The following KYNU variants were observed in gnomAD, a reference collection of about 807,000 sequenced individuals.
KYNU encodes L-kynurenine hydrolase.
KYNU carries 54 observed loss-of-function variants against 59.2 expected under a neutral mutation model. The ratio of observed to expected loss-of-function variants is 0.91; its 90% CI spans 0.73 to 1.14. The LOEUF (loss-of-function observed/expected upper bound fraction) is 1.14. Among genes scored for constraint, KYNU ranks in the 50% most tolerant of loss-of-function variants. The pLI is 0.00. For missense variants in KYNU, 567 were observed against 554.4 expected (o/e 1.02, Z -0.23); for synonymous variants, 177 against 192.0 (o/e 0.92, Z 0.65).
chr2:142,953,631 C>T (rs772669744), intron 4 of KYNU, among the ~76,000 whole-genome samples: 5 of 152,106 alleles, frequency 3.3e-5, no homozygotes, highest in Middle Eastern at 3.2e-3. Context: ...TAGGAATATA[C>T]AGTGAGATTT....
intron 8 of KYNU, among the ~76,000 whole-genome samples, chr2:142,967,011 TG>T (rs1684565550): frequency 6.6e-6 from 1 of 151,942 alleles, no homozygotes; most frequent in South Asian, 2.1e-4. Context: ...CTAAGCAGTT[TG>T]GCCAGGACTC....
At chr2:142,884,394 A>G (rs997079113) in intron 1 of KYNU, among the ~76,000 whole-genome samples, 5 of 152,226 alleles carry the variant, frequency 3.3e-5, no homozygotes, top group East Asian at 1.9e-4. Context: ...CCATGATCCA[A>G]GAACCACTGG....
intron 2 of KYNU, among the ~76,000 whole-genome samples, chr2:142,911,750 C>A (rs1207009828): frequency 6.6e-6 from 1 of 152,086 alleles, no homozygotes; most frequent in Non-Finnish European, 1.5e-5. Flanking sequence ...GGGTTTTTAT[C>A]ATGAAGGGAT....
At chr2:142,909,948 A>C (rs899458718) in intron 2 of KYNU, among the ~76,000 whole-genome samples, 1 of 152,016 alleles carries the variant, frequency 6.6e-6, no homozygotes, top group African/African-American at 2.4e-5. Flanking sequence ...TTTCTTTGCA[A>C]CCTTGTCACC....
chr2:142,950,279 AT>A (rs1683943781), intron 4 of KYNU, among the ~76,000 whole-genome samples: 1 of 152,150 alleles, frequency 6.6e-6, no homozygotes, highest in African/African-American at 2.4e-5. Flanking sequence ...TTGCTTCCAC[AT>A]TTTTGGATAT....
chr2:142,961,622 G>C (rs138322333), intron 8 of KYNU, among the ~76,000 whole-genome samples: 1 of 151,998 alleles, frequency 6.6e-6, no homozygotes, highest in Non-Finnish European at 1.5e-5. Flanking sequence ...TAAGACTCTT[G>C]AAAATTTTTT....
chr2:143,040,073 G>A (rs1017747639), intron 12 of KYNU, among the ~76,000 whole-genome samples: 1 of 152,022 alleles, frequency 6.6e-6, no homozygotes. Flanking sequence ...GACTTTTTTA[G>A]TTTTTAATAT....
In KYNU at chr2:142,884,253, G is replaced by T. The variant is rs1057429921; in HGVS notation, c.-19-1096G>T. Among the ~76,000 whole-genome samples, 4 of 152,334 alleles carry T rather than the reference G, an allele frequency of 2.6e-5. No homozygotes were observed. In the East Asian group the frequency reaches 5.8e-4, roughly 22 times the overall value. On this transcript the variant is annotated intron_variant, in intron 1 of 13. Coordinates refer to ENST00000264170, the MANE Select transcript of KYNU (RefSeq NM_003937.3). Reference sequence around the variant, plus strand: ...AATTTATAATTACTAACAGCAGCAGGTGGATGAATCTCTTTGGTATTCATA... The same window carrying T: ...AATTTATAATTACTAACAGCAGCAGTTGGATGAATCTCTTTGGTATTCATA...
chr2:142,915,113 T>G (rs1383597471), intron 2 of KYNU, among the ~76,000 whole-genome samples: 1 of 152,220 alleles, frequency 6.6e-6, no homozygotes, highest in Non-Finnish European at 1.5e-5. Context: ...GTCTGCTTGT[T>G]GAGTTGTGGT....
chr2:143,010,972 T>G, intron 10 of KYNU, among the ~76,000 whole-genome samples: 1 of 146,060 alleles, frequency 6.8e-6, no homozygotes, highest in African/African-American at 2.6e-5. Context: ...GAAGAAAACC[T>G]AGGCATGGCC....
rs192698274 is a variant in KYNU at position 142,945,796 on chromosome 2, G to A, written c.374-9014G>A. On this transcript the variant is annotated intron_variant, in intron 4 of 13. Transcript: ENST00000264170. ...TCTATCGCTCAGGCTGGAGTGCCGT[G>A]GCACAATCTCGGCTCACTGCAACCT... 4.8e-3 allele frequency among the ~76,000 whole-genome samples: 712 copies of A among 149,872 alleles called. 10 individuals carry two copies. The highest frequency in any genetic ancestry group is 0.017 in the African/African-American group (680 of 40,474).
chr2:142,956,423 A>G (rs1344040255), intron 6 of KYNU, 149 bp downstream of exon 6: 1 of 595,748 alleles, frequency 1.7e-6, no homozygotes, highest in Non-Finnish European at 3.0e-6. Context: ...AAATTTTTTA[A>G]TAGATTATAG....
intron 10 of KYNU, among the ~76,000 whole-genome samples, chr2:143,006,657 TCTGA>T (rs1176509206): frequency 1.5e-4 from 22 of 150,406 alleles, no homozygotes; most frequent in Admixed American, 6.0e-4. Flanking sequence ...AATGTCCCTG[TCTGA>T]CAGCTTTGAA....
chr2:142,880,669 C>A (rs1573741246), intron 1 of KYNU, among the ~76,000 whole-genome samples: 2 of 152,224 alleles, frequency 1.3e-5, no homozygotes, highest in African/African-American at 2.4e-5. Flanking sequence ...ATGTACTCAG[C>A]TAAACATCAT....
At chr2:142,877,821 CT>C (rs1681148063) in intron 1 of KYNU, 85 bp downstream of exon 1, 2 of 152,140 alleles carry the variant, frequency 1.3e-5, no homozygotes, top group East Asian at 1.9e-4. Context: ...AGCTAGAATC[CT>C]TGTCATAGTG....
In KYNU at chr2:143,054,689, G is replaced by A. The variant is rs866573994; in HGVS notation, c.*12517G>A. On this transcript the variant is annotated 3_prime_UTR_variant, in exon 14 of 14. Transcript: ENST00000264170. ...AAAGCTACCTTCCAGTTTATAAAAA[G>A]TATGAAGAATAGAGGGGCAATTAAA... 1 of 152,160 alleles carries A rather than the reference G, an allele frequency of 6.6e-6. No individual in the cohort carries two copies. Among genetic ancestry groups the A allele is most frequent in the East Asian group, 1.9e-4 (1 of 5,202 alleles). 9.4% of individuals were successfully genotyped at this position (152,160 alleles called of 1,614,324 possible).
intron 10 of KYNU, among the ~76,000 whole-genome samples, chr2:143,018,787 G>A (rs933207565): frequency 2.0e-5 from 3 of 152,060 alleles, no homozygotes; most frequent in Non-Finnish European, 4.4e-5. Flanking sequence ...TTCCATTTGT[G>A]TCATCTCTGA....
chr2:143,043,952 A>T lies in KYNU; in HGVS notation c.*1780A>T, dbSNP rs1029548897. ...CTGCACCCATCAACCCGTCATCTACATCAGGTATTTCTCCTAATGCTCACC... is the reference window on the plus strand; with the variant it reads ...CTGCACCCATCAACCCGTCATCTACTTCAGGTATTTCTCCTAATGCTCACC... On this transcript the variant is annotated 3_prime_UTR_variant, in exon 14 of 14. Transcript: ENST00000264170. 8 of 151,748 alleles carry T rather than the reference A, an allele frequency of 5.3e-5. No homozygotes were observed. The Admixed American group carries it at 5.3e-4, about 10-fold the overall frequency. The allele number at this position is 151,748 out of a possible 1,614,324, so 9.4% of individuals were successfully genotyped here. A position where few individuals can be genotyped will look rare whatever the true frequency, so the allele number is the denominator to read the frequency against.
At chr2:142,929,537 G>C (rs372430788) in intron 4 of KYNU, among the ~76,000 whole-genome samples, 1 of 152,158 alleles carries the variant, frequency 6.6e-6, no homozygotes, top group African/African-American at 2.4e-5. Context: ...GAGTGGTCAT[G>C]ACCCAAGGCA....
Sources: allele counts gnomAD v4.1 joint callset (sites outside exome capture counted in the v4.1 genomes callset), GRCh38; gene constraint gnomAD v4.1.1; transcripts MANE v1.5; gene names NCBI Gene and HGNC (gene_info 2026-07-23, HGNC 2026-07-21).